Variants in NAV3 observed in about 807,000 individuals in gnomAD.
NAV3 encodes neuron navigator 3, also known as pore membrane and/or filament interacting like protein 1.
NAV3 carries 87 observed loss-of-function variants against 244.7 expected under a neutral mutation model. That is an observed-to-expected ratio of 0.36 (90% confidence interval 0.30 to 0.42). The LOEUF (loss-of-function observed/expected upper bound fraction) is 0.42, where lower values mean the gene tolerates loss of function less well. Ranked by LOEUF, NAV3 falls within the 20% of genes least tolerant of loss-of-function variation. The pLI is 1.00. For missense variants in NAV3, 2,663 were observed against 2,893.3 expected, an observed-to-expected ratio of 0.92 and a Z score of 1.83; for synonymous variants, 1,126 against 1,042.2, an observed-to-expected ratio of 1.08 and a Z score of -1.55.
intron 2 of NAV3, among the ~76,000 whole-genome samples, chr12:77,738,389 T>C (rs1024665499): frequency 6.6e-6 from 1 of 152,212 alleles, no homozygotes; most frequent in Non-Finnish European, 1.5e-5. Context: ...AGACACTAGA[T>C]GTAAAGCACA....
At chr12:78,097,985 A>G (rs185832051) in intron 12 of NAV3, among the ~76,000 whole-genome samples, 66 of 152,268 alleles carry the variant, frequency 4.3e-4, no homozygotes, top group Middle Eastern at 3.4e-3. Context: ...TGTGATTGCT[A>G]TTTATTAAGC....
chr12:78,122,066 G>A lies in NAV3; in HGVS notation c.3876G>A (p.Ser1292=), dbSNP rs1158770916. The A allele has an allele frequency of 5.0e-6, 8 of 1,614,158 alleles. No homozygotes were observed. The highest frequency in any genetic ancestry group is 5.9e-6 in the Non-Finnish European group (7 of 1,180,036). The change falls in exon 16 of 40, where the codon TCG becomes TCA. Residue 1292 remains serine (S), a synonymous_variant. Transcript: ENST00000397909. ...LARQGSLESP[S]SGTGSMGSAG... is the part of the protein sequence containing the mutation. The stretch of plus-strand genomic sequence containing the variant: ...GGCAAGGCAGTCTGGAGTCACCGTC[G>A]TCCGGTACGGGCAGCATGGGCAGTG...
chr12:78,162,183 A>G (rs1957571483), intron 23 of NAV3, among the ~76,000 whole-genome samples: 1 of 152,146 alleles, frequency 6.6e-6, no homozygotes, highest in Non-Finnish European at 1.5e-5. Flanking sequence ...ATATTTCACT[A>G]AAGGCATTTC....
chr12:77,869,711 C>T (rs1880649273), intron 1 of NAV3, among the ~76,000 whole-genome samples: 1 of 152,176 alleles, frequency 6.6e-6, no homozygotes, highest in East Asian at 1.9e-4. Context: ...CTTGTAATAT[C>T]ATGTTCCTTT....
intron 15 of NAV3, 85 bp downstream of exon 15, chr12:78,120,030 A>G (rs1055141142): frequency 1.0e-6 from 1 of 989,940 alleles, no homozygotes; most frequent in Non-Finnish European, 1.4e-6. Context: ...GTGTGTATAT[A>G]TATATTTTAA....
At position 77,684,852 on chromosome 12, in the gene NAV3, A is replaced by G. The variant is rs74104982; in HGVS notation, c.72+112586A>G. 6.1e-3 allele frequency among the ~76,000 whole-genome samples: 929 copies of G among 152,244 alleles called. 7 individuals carry two copies. The highest frequency in any genetic ancestry group is 0.021 in the African/African-American group (883 of 41,542). ...TTGCATATGGCCTGAGGTATAAATC[A>G]TGGTTCCGTTTTTTTCCATACAGAT... On this transcript the variant is annotated intron_variant, in intron 2 of 8. Transcript: ENST00000550042.
chr12:77,672,463 C>A (rs371583968), intron 2 of NAV3, among the ~76,000 whole-genome samples: 1 of 152,102 alleles, frequency 6.6e-6, no homozygotes, highest in African/African-American at 2.4e-5. Context: ...CTTACAGCAG[C>A]ACAACTTGCA....
intron 12 of NAV3, among the ~76,000 whole-genome samples, chr12:78,069,456 T>G (rs2137588601): frequency 6.6e-6 from 1 of 152,120 alleles, no homozygotes; most frequent in African/African-American, 2.4e-5. Context: ...TTCTTTACCC[T>G]TTCTATTTAC....
chr12:77,873,140 T>C (rs1405463074), intron 1 of NAV3, among the ~76,000 whole-genome samples: 1 of 152,208 alleles, frequency 6.6e-6, no homozygotes, highest in Non-Finnish European at 1.5e-5. Context: ...CTTTATTCCT[T>C]CTTCACCTTC....
At position 78,118,123 on chromosome 12, in the gene NAV3, G is replaced by T. The variant is rs2138567298; in HGVS notation, c.2866G>T (p.Asp956Tyr). ...AGAAGAAGATTTTGACAGCCATGGG[G>T]ATGCTGGTGGCAAGTGGAAGACTGT... ...KPEEDFDSHG[D>Y]AGGKWKTVSS... The change falls in exon 14 of 40, where the codon GAT becomes TAT. Residue 956 changes from aspartate to tyrosine, a missense_variant. Physicochemically the swap from Asp to Tyr is radical, Grantham distance 160. Coordinates refer to ENST00000397909, the MANE Select transcript of NAV3 (RefSeq NM_001024383.2). 4.3e-6 allele frequency: 7 copies of T among 1,614,090 alleles called. No homozygotes were observed. The highest frequency in any genetic ancestry group is 5.9e-6 in the Non-Finnish European group (7 of 1,180,024).
intron 2 of NAV3, among the ~76,000 whole-genome samples, chr12:77,616,729 C>T (rs184781225): frequency 2.4e-4 from 35 of 146,462 alleles, no homozygotes; most frequent in African/African-American, 3.2e-4. Flanking sequence ...CACACAGGCG[C>T]GCACACACAC....
At chr12:78,141,987 A>G (rs1956635200) in intron 20 of NAV3, among the ~76,000 whole-genome samples, 1 of 152,128 alleles carries the variant, frequency 6.6e-6, no homozygotes, top group South Asian at 2.1e-4. Context: ...TTAAAAAGAA[A>G]GAAAGAAAGA....
intron 2 of NAV3, among the ~76,000 whole-genome samples, chr12:77,794,541 C>T (rs576026526): frequency 3.7e-4 from 56 of 152,220 alleles, no homozygotes; most frequent in South Asian, 1.5e-3. Context: ...AAGCACAATG[C>T]GGCAGAGCCA....
At position 78,210,455 on chromosome 12, in the gene NAV3, G is replaced by A. The variant is rs766637082; in HGVS notation, c.7096G>A (p.Asp2366Asn). 1.1e-5 allele frequency: 17 copies of A among 1,613,590 alleles called. No individual in the cohort carries two copies. The highest frequency in any genetic ancestry group is 1.0e-4 in the Admixed American group (6 of 59,958). ...CAATTACTCGAGCACACAAAGCTGCGACAGCGAAAGCACCAGCCACCATGA... is the reference window on the plus strand; with the variant it reads ...CAATTACTCGAGCACACAAAGCTGCAACAGCGAAAGCACCAGCCACCATGA... ...AANYSSTQSC[D>N]SESTSHHEDI... The change falls in exon 40 of 40, where the codon GAC becomes AAC. Residue 2366 changes from aspartate to asparagine, a missense_variant. By Grantham distance (23) the Asp-to-Asn change is conservative. Coordinates refer to ENST00000397909, the MANE Select transcript of NAV3 (RefSeq NM_001024383.2).
chr12:77,614,074 CT>C (rs71440485), intron 2 of NAV3, among the ~76,000 whole-genome samples: 3,839 of 95,590 alleles, frequency 0.04, 77 homozygotes, highest in African/African-American at 0.064. Context: ...TTCTTTCTCT[CT>C]TTTTTTTTTT....
At chr12:77,986,510 A>G (rs917766434) in intron 5 of NAV3, among the ~76,000 whole-genome samples, 9 of 152,212 alleles carry the variant, frequency 5.9e-5, no homozygotes, top group African/African-American at 1.7e-4. Flanking sequence ...CCAAAGAGCT[A>G]AAGTCGATAC....
At chr12:78,108,227 T>C (rs2138345370) in intron 12 of NAV3, among the ~76,000 whole-genome samples, 1 of 152,254 alleles carries the variant, frequency 6.6e-6, no homozygotes, top group Non-Finnish European at 1.5e-5. Context: ...TGTTATTATA[T>C]AATGATGAGA....
At chr12:77,956,096 T>G (rs1891333018) in intron 3 of NAV3, among the ~76,000 whole-genome samples, 1 of 152,284 alleles carries the variant, frequency 6.6e-6, no homozygotes, top group South Asian at 2.1e-4. Flanking sequence ...GCAAAAATAT[T>G]ACTGTATTTT....
At chr12:77,996,001 A>G (rs1872294311) in intron 6 of NAV3, among the ~76,000 whole-genome samples, 2 of 152,062 alleles carry the variant, frequency 1.3e-5, no homozygotes, top group South Asian at 4.1e-4. Flanking sequence ...TGCCTGTCAA[A>G]TTAGGGTAAT....
Sources: allele counts gnomAD v4.1 joint callset (sites outside exome capture counted in the v4.1 genomes callset), GRCh38; gene constraint gnomAD v4.1.1; transcripts MANE v1.5; gene names NCBI Gene and HGNC (gene_info 2026-07-23, HGNC 2026-07-21).